Variants in OSMR observed in about 807,000 individuals in gnomAD.
OSMR encodes oncostatin-M-specific receptor subunit beta.
OSMR carries 81 observed loss-of-function variants against 99.9 expected under a neutral mutation model. The observed-to-expected ratio is 0.81, with a 90% CI of 0.68 to 0.97. The LOEUF is 0.97. OSMR is among the 50% of genes least tolerant of loss of function. The pLI is 0.00. For synonymous variants in OSMR, 406 were observed against 410.4 expected (o/e 0.99, Z 0.13); for missense variants, 1,099 against 1,153.4 (o/e 0.95, Z 0.68).
intron 1 of OSMR, among the ~76,000 whole-genome samples, chr5:38,849,157 A>G (rs1740149940): frequency 6.6e-6 from 1 of 152,218 alleles, no homozygotes; most frequent in African/African-American, 2.4e-5. Context: ...AGCATTAGCA[A>G]CGTTGCTTCA....
At chr5:38,894,089 T>A (rs1003654103) in intron 7 of OSMR, among the ~76,000 whole-genome samples, 1 of 152,178 alleles carries the variant, frequency 6.6e-6, no homozygotes, top group African/African-American at 2.4e-5. Context: ...GCTTCATATG[T>A]GAAGGTAAAA....
chr5:38,886,281 G>T, intron 7 of OSMR, 91 bp downstream of exon 7: 1 of 1,604,096 alleles, frequency 6.2e-7, no homozygotes, highest in South Asian at 1.1e-5. Flanking sequence ...GTAGATCTTT[G>T]CCTCATTCAC....
intron 7 of OSMR, among the ~76,000 whole-genome samples, chr5:38,891,706 C>G (rs1744170119): frequency 6.6e-6 from 1 of 152,202 alleles, no homozygotes. Flanking sequence ...AGGTACCATT[C>G]AAGACCACAT....
At chr5:38,882,576 C>T (rs1193275366) in intron 4 of OSMR, among the ~76,000 whole-genome samples, 1 of 151,564 alleles carries the variant, frequency 6.6e-6, no homozygotes, top group African/African-American at 2.4e-5. Flanking sequence ...TTCTGTCTCT[C>T]ACACACACAC....
At chr5:38,885,967 A>AT in intron 6 of OSMR, 72 bp from the exon 7 acceptor site, 1 of 1,587,084 alleles carries the variant, frequency 6.3e-7, no homozygotes, top group Non-Finnish European at 8.6e-7. Context: ...GCCCTGAGGG[A>AT]TAAGGGATAC....
At chr5:38,906,122 C>T (rs778464155) in intron 9 of OSMR, among the ~76,000 whole-genome samples, 6 of 151,708 alleles carry the variant, frequency 4.0e-5, no homozygotes, top group Non-Finnish European at 7.4e-5. Context: ...TTGCATTTTC[C>T]TCAGTGTGTT....
At chr5:38,875,145 A>G (rs1422644479) in intron 2 of OSMR, among the ~76,000 whole-genome samples, 3 of 152,244 alleles carry the variant, frequency 2.0e-5, no homozygotes, top group African/African-American at 7.2e-5. Flanking sequence ...CTCTTACGCC[A>G]TGAGTCATCA....
At chr5:38,919,244 G>T in intron 11 of OSMR, 182 bp downstream of exon 11, 1 of 1,522,308 alleles carries the variant, frequency 6.6e-7, no homozygotes, top group South Asian at 1.2e-5. Context: ...TCCCCTCAGT[G>T]TGGGGAGAAG....
chr5:38,922,159 A>G (rs953592046), intron 12 of OSMR, among the ~76,000 whole-genome samples: 2 of 152,190 alleles, frequency 1.3e-5, no homozygotes, highest in Non-Finnish European at 2.9e-5. Context: ...AGTTGATGAG[A>G]ATCGATCATC....
intron 12 of OSMR, 78 bp downstream of exon 12, chr5:38,921,872 A>G: frequency 8.2e-7 from 1 of 1,214,112 alleles, no homozygotes; most frequent in East Asian, 2.3e-5. Flanking sequence ...GGACTACTTC[A>G]CAGACTTTGA....
At chr5:38,867,656 T>C (rs1742051552) in intron 1 of OSMR, among the ~76,000 whole-genome samples, 1 of 152,254 alleles carries the variant, frequency 6.6e-6, no homozygotes, top group Non-Finnish European at 1.5e-5. Context: ...GATGAATCAG[T>C]GAAGCTCTTT....
At chr5:38,924,669 G>T in intron 14 of OSMR, 74 bp downstream of exon 14, 1 of 1,267,606 alleles carries the variant, frequency 7.9e-7, no homozygotes, top group Non-Finnish European at 1.2e-6. Flanking sequence ...AATAATGGCT[G>T]CCATCTCAGA....
At chr5:38,861,745 G>A (rs1269290289) in intron 1 of OSMR, among the ~76,000 whole-genome samples, 2 of 150,416 alleles carry the variant, frequency 1.3e-5, no homozygotes, top group Non-Finnish European at 3.0e-5. Context: ...CCGGGCAGGG[G>A]ACTGACCCCC....
Position 38,921,603 on chromosome 5 carries a change from G to A in OSMR, c.1586-12G>A, listed in dbSNP as rs766058741. ...TTAAATCTGGAGCATTGCTCTATTT[G>A]TTTATATACAGAAGAGGTTGAGGAA... On this transcript the variant is annotated splice_polypyrimidine_tract_variant and intron_variant, in intron 11 of 17. Transcript: ENST00000274276. 2 of 1,614,058 alleles carry A rather than the reference G, an allele frequency of 1.2e-6. No individual in the cohort carries two copies. Among genetic ancestry groups the A allele is most frequent in the Non-Finnish European group, 8.5e-7 (1 of 1,180,006 alleles).
chr5:38,856,852 G>A (rs186903748), intron 1 of OSMR, among the ~76,000 whole-genome samples: 158 of 152,260 alleles, frequency 1.0e-3, no homozygotes, highest in African/African-American at 3.7e-3. Context: ...ATGTTGCCCA[G>A]TCTGGTCTGG....
intron 7 of OSMR, among the ~76,000 whole-genome samples, chr5:38,895,537 A>T (rs986444859): frequency 6.6e-6 from 1 of 152,036 alleles, no homozygotes; most frequent in Admixed American, 6.5e-5. Context: ...TATTCTGGTT[A>T]CTTAATCCCT....
chr5:38,857,865 A>G (rs1265406010), intron 1 of OSMR, among the ~76,000 whole-genome samples: 1 of 151,808 alleles, frequency 6.6e-6, no homozygotes, highest in Non-Finnish European at 1.5e-5. Context: ...ATGGGGTTTT[A>G]CCATGTTGGC....
chr5:38,910,109 A>G (rs1298069049), intron 9 of OSMR, among the ~76,000 whole-genome samples: 1 of 152,254 alleles, frequency 6.6e-6, no homozygotes, highest in Non-Finnish European at 1.5e-5. Context: ...TAAACCAATA[A>G]TGATCAGAAA....
Position 38,883,944 on chromosome 5 carries a change from G to C in OSMR, c.536G>C (p.Cys179Ser), listed in dbSNP as rs1196300753. The C allele has an allele frequency of 6.2e-7, 1 of 1,613,768 alleles. No homozygotes were observed. Among genetic ancestry groups the C allele is most frequent in the South Asian group, 1.1e-5 (1 of 91,074 alleles). ...AGGAACATTCAAAATAATGTATCCT[G>C]TTATTTGGAAGGGAAACAGATTCAT... ...VSRNIQNNVS[C>S]YLEGKQIHGE... is the part of the protein sequence containing the mutation. The change falls in exon 5 of 18, where the codon TGT becomes TCT. Residue 179 changes from cysteine to serine, a missense_variant. Transcript: ENST00000274276.
Sources: allele counts gnomAD v4.1 joint callset (sites outside exome capture counted in the v4.1 genomes callset), GRCh38; gene constraint gnomAD v4.1.1; transcripts MANE v1.5; gene names NCBI Gene and HGNC (gene_info 2026-07-23, HGNC 2026-07-21).